BMP4: variants seen among roughly 807,000 people sequenced by gnomAD.
BMP4 encodes bone morphogenetic protein 4.
In BMP4, 3 loss-of-function variants were observed where a neutral mutation model predicts 29.6. The observed-to-expected ratio is 0.10, with a 90% CI of 0.05 to 0.26. The LOEUF (loss-of-function observed/expected upper bound fraction) is 0.26, where lower values mean the gene tolerates loss of function less well. BMP4 is among the 10% of genes least tolerant of loss of function. The pLI, the probability that BMP4 is intolerant of heterozygous loss-of-function variation, is 1.00. For missense variants in BMP4, 455 were observed against 550.2 expected, an observed-to-expected ratio of 0.83 and a Z score of 1.73; for synonymous variants, 197 against 213.2, an observed-to-expected ratio of 0.92 and a Z score of 0.66.
intron 1 of BMP4, among the ~76,000 whole-genome samples, chr14:53,956,203 C>T (rs1215481675): frequency 6.6e-6 from 1 of 152,020 alleles, no homozygotes; most frequent in Non-Finnish European, 1.5e-5. Context: ...CCGCGCTTTC[C>T]GTCCGGGGAT....
At position 53,951,844 on chromosome 14, in the gene BMP4, G is replaced by C; in HGVS notation, c.370+9C>G. The C allele has an allele frequency of 1.3e-6, 2 of 1,598,996 alleles. No homozygotes were observed. The highest frequency in any genetic ancestry group is 1.1e-5 in the South Asian group (1 of 91,022). ...CCCTCCCCCACGCAGACTGGGGGAAGAGACTGACCTTCGTGGTGGAAGCTC... is the reference window on the plus strand; with the variant it reads ...CCCTCCCCCACGCAGACTGGGGGAACAGACTGACCTTCGTGGTGGAAGCTC... On this transcript the variant is annotated intron_variant, in intron 3 of 3. Transcript: ENST00000245451.
chr14:53,952,443 T>C (rs1325350695), intron 2 of BMP4, among the ~76,000 whole-genome samples: 1 of 151,156 alleles, frequency 6.6e-6, no homozygotes, highest in Admixed American at 6.6e-5. Context: ...AATTGCCCTG[T>C]AATTACTTGG....
Position 53,950,795 on chromosome 14 carries a change from G to A in BMP4, c.464C>T (p.Ser155Phe). 6.2e-7 allele frequency: 1 copy of A among 1,613,530 alleles called. No homozygotes were observed. The highest frequency in any genetic ancestry group is 1.1e-5 in the South Asian group (1 of 91,086). ...CTCCCGGAAGAGCCGAAGCTCTGCAGAGGAGATCACCTCGTTCTCAGGGAT... is the reference window on the plus strand; with the variant it reads ...CTCCCGGAAGAGCCGAAGCTCTGCAAAGGAGATCACCTCGTTCTCAGGGAT... Reference protein sequence around the residue: ...SSIPENEVISSAELRLFREQV... With the variant: ...SSIPENEVISFAELRLFREQV... The change falls in exon 4 of 4, where the codon TCT (serine) becomes TTT (phenylalanine). Residue 155 changes from serine to phenylalanine, a missense_variant. Physicochemically the swap from Ser to Phe is radical, Grantham distance 155. This residue lies in a region of BMP4 where 249 missense variants were observed against 284.6 expected (regional missense o/e 0.87). Coordinates refer to ENST00000245451, the MANE Select transcript of BMP4 (RefSeq NM_001202.6). This position sits in a 1 kb window ranked among gnomAD's most constrained non-coding sequence, Gnocchi z 5.4.
chr14:53,953,611 G>A (rs1320960487), intron 1 of BMP4, among the ~76,000 whole-genome samples: 1 of 151,778 alleles, frequency 6.6e-6, no homozygotes. Flanking sequence ...GAGCCTCAGC[G>A]GTCCGGGAGG....
In BMP4 at chr14:53,955,134, G is replaced by C. The variant is rs575627174; in HGVS notation, c.-133+1416C>G. Among the ~76,000 whole-genome samples the C allele has an allele frequency of 2.4e-4, 36 of 152,344 alleles. No individual in the cohort carries two copies. The East Asian group carries it at 6.4e-3, about 27-fold the overall frequency. ...GCCACCGCTGGGGCGGGCTGCGAAA[G>C]GGTTGGGAAGAGCAAAGGGTTTTTT... On this transcript the variant is annotated intron_variant, in intron 1 of 3. Transcript: ENST00000245451. This position sits in a 1 kb window ranked among gnomAD's most constrained non-coding sequence, Gnocchi z 4.0.
In BMP4 at chr14:53,956,700, C is replaced by A. The variant is rs544529209; in HGVS notation, c.-283G>T. 2 of 399,064 alleles carry A rather than the reference C, an allele frequency of 5.0e-6. No individual in the cohort carries two copies. The highest frequency in any genetic ancestry group is 4.1e-5 in the African/African-American group (2 of 48,634). The allele number at this position is 399,064 out of a possible 1,614,324, so 24.7% of individuals were successfully genotyped here. ...CCATCGGGGAGACAAGCTAGATACT[C>A]AGCCGGAGCAGCAGCGGCGTCTCAG... On this transcript the variant is annotated 5_prime_UTR_variant, in exon 1 of 4. Transcript: ENST00000245451.
chr14:53,952,388 A>AC (rs1233276762), intron 2 of BMP4, among the ~76,000 whole-genome samples, 159 bp from the exon 3 acceptor site: 8 of 148,828 alleles, frequency 5.4e-5, no homozygotes, highest in Non-Finnish European at 1.0e-4. Context: ...CCCTCACACC[A>AC]CCCGCCCACC....
chr14:53,955,003 C>T lies in BMP4; in HGVS notation c.-133+1547G>A, dbSNP rs996024648. Among the ~76,000 whole-genome samples, 7 of 152,222 alleles carry T rather than the reference C, an allele frequency of 4.6e-5. No individual in the cohort carries two copies. The highest frequency in any genetic ancestry group is 7.3e-5 in the Non-Finnish European group (5 of 68,032). ...GCCCTCCCTCCCGACCGTGGATGCCCGGAGTCGACCAACACCTCAGGTCCG... is the reference window on the plus strand; with the variant it reads ...GCCCTCCCTCCCGACCGTGGATGCCTGGAGTCGACCAACACCTCAGGTCCG... On this transcript the variant is annotated intron_variant, in intron 1 of 3. Transcript: ENST00000245451. This position sits in a 1 kb window ranked among gnomAD's most constrained non-coding sequence, Gnocchi z 4.0.
chr14:53,950,457 G>A lies in BMP4; in HGVS notation c.802C>T (p.Leu268Phe). ...CCAAAGGTGACCAGGAGGGGCCGGA[G>A]CTGGGCCCAATTCCCACTCCCTTGA... ...LPQGSGNWAQ[L>F]RPLLVTFGHD... The change falls in exon 4 of 4, where the codon CTC (leucine) becomes TTC (phenylalanine). Residue 268 changes from leucine to phenylalanine, a missense_variant. This residue lies in a region of BMP4 where 154 missense variants were observed against 156.8 expected (regional missense o/e 0.98). Transcript: ENST00000245451. The surrounding 1 kb of genome is among the most constrained non-coding windows in gnomAD (Gnocchi z 5.4). 2 of 1,613,946 alleles carry A rather than the reference G, an allele frequency of 1.2e-6. No homozygotes were observed. Among genetic ancestry groups the A allele is most frequent in the Non-Finnish European group, 8.5e-7 (1 of 1,180,048 alleles).
Position 53,949,784 on chromosome 14 carries a change from G to C in BMP4, c.*248C>G, listed in dbSNP as rs182481681. 2.3e-6 allele frequency: 1 copy of C among 433,916 alleles called. No individual in the cohort carries two copies. The highest frequency in any genetic ancestry group is 3.7e-5 in the East Asian group (1 of 26,748). The allele number at this position is 433,916 out of a possible 1,614,324, so 26.9% of individuals were successfully genotyped here. On this transcript the variant is annotated 3_prime_UTR_variant, in exon 4 of 4. Coordinates refer to ENST00000245451, the MANE Select transcript of BMP4 (RefSeq NM_001202.6). Reference sequence around the variant, plus strand: ...TTTTATTTTTTTCTTTTAATACGTAGTTATAAATATATTTTGTCAAAATAT... The same window carrying C: ...TTTTATTTTTTTCTTTTAATACGTACTTATAAATATATTTTGTCAAAATAT...
chr14:53,951,969 T>C lies in BMP4; in HGVS notation c.254A>G (p.Asp85Gly). Reference sequence around the variant, plus strand: ...CTCCCCAGACTGAAGCCGGTAAAGATCCCGCATGTAGTCCGGAATGACGGC... The same window carrying C: ...CTCCCCAGACTGAAGCCGGTAAAGACCCCGCATGTAGTCCGGAATGACGGC... ...KSAVIPDYMR[D>G]LYRLQSGEEE... Residue 85 changes from aspartate (D) to glycine (G), a missense_variant, in exon 3 of 4, where the codon GAT becomes GGT. Coordinates refer to ENST00000245451, the MANE Select transcript of BMP4 (RefSeq NM_001202.6). 6.2e-7 allele frequency: 1 copy of C among 1,612,242 alleles called. No individual in the cohort carries two copies. Among genetic ancestry groups the C allele is most frequent in the Non-Finnish European group, 8.5e-7 (1 of 1,180,020 alleles).
intron 1 of BMP4, among the ~76,000 whole-genome samples, chr14:53,953,753 AC>A (rs1205490866): frequency 1.3e-5 from 2 of 151,970 alleles, no homozygotes; most frequent in African/African-American, 4.8e-5. Flanking sequence ...GCGCCGGGCC[AC>A]CTGAAGCCAG....
Position 53,954,891 on chromosome 14 carries a change from C to G in BMP4, c.-132-1491G>C, listed in dbSNP as rs1658596190. Among the ~76,000 whole-genome samples the G allele has an allele frequency of 1.3e-5, 2 of 152,198 alleles. No homozygotes were observed. The highest frequency in any genetic ancestry group is 4.8e-5 in the African/African-American group (2 of 41,448). ...TCAAGAACTCGGGTTGCCTGCCGCC[C>G]CACTCTCCACGCACATACTTGGTTT... On this transcript the variant is annotated intron_variant, in intron 1 of 3. Coordinates refer to ENST00000245451, the MANE Select transcript of BMP4 (RefSeq NM_001202.6). The surrounding 1 kb of genome is among the most constrained non-coding windows in gnomAD (Gnocchi z 4.8).
intron 2 of BMP4, among the ~76,000 whole-genome samples, chr14:53,952,617 T>C (rs1211161549): frequency 1.3e-5 from 2 of 152,062 alleles, no homozygotes; most frequent in African/African-American, 2.4e-5. Context: ...AGAATTAAAA[T>C]GGCATTGCTC....
At chr14:53,951,822 T>A in intron 3 of BMP4, 31 bp downstream of exon 3, 1 of 1,596,904 alleles carries the variant, frequency 6.3e-7, no homozygotes, top group Non-Finnish European at 8.5e-7. Flanking sequence ...CCACCAGCCC[T>A]CCCCCACGCA....
At chr14:53,956,191 T>TC (rs1192650554) in intron 1 of BMP4, among the ~76,000 whole-genome samples, 2 of 151,858 alleles carry the variant, frequency 1.3e-5, no homozygotes, top group Non-Finnish European at 2.9e-5. Flanking sequence ...TCCTTCCTCC[T>TC]CCCGCGCTTT....
rs1235661432 is a variant in BMP4, at chr14:53,956,632, G to C, written c.-215C>G. The C allele has an allele frequency of 2.5e-6, 1 of 399,346 alleles. No homozygotes were observed. Among genetic ancestry groups the C allele is most frequent in the Non-Finnish European group, 4.4e-6 (1 of 226,344 alleles). 24.7% of individuals were successfully genotyped at this position (399,346 alleles called of 1,614,324 possible). On this transcript the variant is annotated 5_prime_UTR_variant, in exon 1 of 4. Coordinates refer to ENST00000245451, the MANE Select transcript of BMP4 (RefSeq NM_001202.6). ...TTGCAGTGAACCTGGGCGAGGGCCG[G>C]GGACTGTGGCGCTGCAGGCTCGAGA...
At chr14:53,956,335 A>C (rs762642) in intron 1 of BMP4, among the ~76,000 whole-genome samples, 53,816 of 152,032 alleles carry the variant, frequency 0.35, 10,261 homozygotes, top group Middle Eastern at 0.48. Context: ...AAAGGTGAGA[A>C]TCTCCCAGGG....
rs939448558 is a variant in BMP4, at chr14:53,954,768, C to T, written c.-132-1368G>A. 8.5e-5 allele frequency among the ~76,000 whole-genome samples: 13 copies of T among 152,122 alleles called. No individual in the cohort carries two copies. The highest frequency in any genetic ancestry group is 8.3e-4 in the South Asian group (4 of 4,828). Reference sequence around the variant, plus strand: ...AGGGCCGGGAGCGCCAGGTCGTCCCCGGGGCCCGGGCCCCATGACTCCTGC... The same window carrying T: ...AGGGCCGGGAGCGCCAGGTCGTCCCTGGGGCCCGGGCCCCATGACTCCTGC... On this transcript the variant is annotated intron_variant, in intron 1 of 3. Transcript: ENST00000245451. This position sits in a 1 kb window ranked among gnomAD's most constrained non-coding sequence, Gnocchi z 4.8.
Sources: gnomAD v4.1 joint callset for allele counts (sites outside exome capture counted in the v4.1 genomes callset) on GRCh38, gnomAD v4.1.1 for gene constraint, gnomAD v4.1.1 regional missense constraint, Gnocchi (gnomAD v3.1) non-coding constraint, MANE v1.5 for transcripts, NCBI Gene and HGNC (gene_info 2026-07-23, HGNC 2026-07-21) for gene names.